The following PRKG1 variants were observed in gnomAD, a reference collection of about 807,000 sequenced individuals.
PRKG1 encodes protein kinase cGMP-dependent 1, also known as cGMP-dependent protein kinase 1.
A neutral mutation model predicts 88.1 loss-of-function variants in PRKG1; 35 were observed. The ratio of observed to expected loss-of-function variants is 0.40; its 90% confidence interval spans 0.30 to 0.53. The LOEUF (loss-of-function observed/expected upper bound fraction) is 0.53. Ranked by LOEUF, PRKG1 falls within the 20% of genes least tolerant of loss-of-function variation. PRKG1 has a pLI of 0.59. For missense variants in PRKG1, 540 were observed against 839.8 expected (o/e 0.64, Z 4.41); for synonymous variants, 303 against 292.5 (o/e 1.04, Z -0.37).
chr10:51,409,814 A>T lies in PRKG1; in HGVS notation c.479-57909A>T, dbSNP rs1047857078. On this transcript the variant is annotated intron_variant, in intron 2 of 17. Coordinates refer to ENST00000373980, the MANE Select transcript of PRKG1 (RefSeq NM_006258.4). ...GGTTGCAGTGATTGGAGATTGTGCC[A>T]CTGCACTCCAGCCTGGCAACAGAGA... Among the ~76,000 whole-genome samples, 10 of 139,092 alleles carry T rather than the reference A, an allele frequency of 7.2e-5. No individual in the cohort carries two copies. The South Asian group carries it at 2.3e-3, about 32-fold the overall frequency. The allele number at this position is 139,092 out of a possible 152,430, so 91.2% of individuals were successfully genotyped here.
chr10:51,456,626 G>A (rs183071379), intron 2 of PRKG1, among the ~76,000 whole-genome samples: 46 of 152,138 alleles, frequency 3.0e-4, no homozygotes, highest in Non-Finnish European at 6.2e-4. Flanking sequence ...CTTCTGCACA[G>A]CAAAAGAAAT....
At chr10:51,143,211 A>T (rs1461797832) in intron 1 of PRKG1, among the ~76,000 whole-genome samples, 1 of 152,072 alleles carries the variant, frequency 6.6e-6, no homozygotes, top group African/African-American at 2.4e-5. Flanking sequence ...AAGATTCCAC[A>T]TATGAGTGAG....
chr10:51,381,234 G>A (rs1295312453), intron 2 of PRKG1, among the ~76,000 whole-genome samples: 1 of 107,892 alleles, frequency 9.3e-6, no homozygotes, highest in Admixed American at 1.4e-4. Flanking sequence ...TCCAGCCTGG[G>A]CAACAGAGCA....
intron 2 of PRKG1, among the ~76,000 whole-genome samples, chr10:51,199,749 G>A (rs372648921): frequency 6.6e-6 from 1 of 152,144 alleles, no homozygotes; most frequent in East Asian, 1.9e-4. Context: ...AGCCTCCTTT[G>A]CCAGCTCTCT....
At chr10:51,094,369 T>C (rs1844477622) in intron 1 of PRKG1, among the ~76,000 whole-genome samples, 1 of 152,138 alleles carries the variant, frequency 6.6e-6, no homozygotes, top group Admixed American at 6.6e-5. Context: ...TATATCAGTA[T>C]TTTCTGTGTT....
chr10:51,417,632 T>C (rs1017419351), intron 2 of PRKG1, among the ~76,000 whole-genome samples: 2 of 152,198 alleles, frequency 1.3e-5, no homozygotes, highest in African/African-American at 4.8e-5. Flanking sequence ...GTCTTTTATA[T>C]ATCATTATTA....
At chr10:51,676,712 C>G (rs1840720310) in intron 3 of PRKG1, among the ~76,000 whole-genome samples, 1 of 152,062 alleles carries the variant, frequency 6.6e-6, no homozygotes, top group South Asian at 2.1e-4. Flanking sequence ...GTGTTGTTTT[C>G]CATGGTCACA....
intron 1 of PRKG1, among the ~76,000 whole-genome samples, chr10:50,997,545 T>G (rs1015346181): frequency 6.6e-6 from 1 of 152,222 alleles, no homozygotes. Context: ...TAAAACCTTT[T>G]CTTTTGATAA....
At chr10:52,139,846 C>T (rs1249781567) in intron 8 of PRKG1, among the ~76,000 whole-genome samples, 1 of 151,906 alleles carries the variant, frequency 6.6e-6, no homozygotes, top group Non-Finnish European at 1.5e-5. Context: ...CTACATGACT[C>T]GGACAAGGGG....
chr10:51,762,056 A>G (rs1290862683), intron 3 of PRKG1, among the ~76,000 whole-genome samples: 1 of 152,222 alleles, frequency 6.6e-6, no homozygotes, highest in Non-Finnish European at 1.5e-5. Flanking sequence ...GGATTTTTAC[A>G]TGGTAAATAA....
At chr10:51,732,573 A>G (rs182076826) in intron 3 of PRKG1, among the ~76,000 whole-genome samples, 27 of 152,356 alleles carry the variant, frequency 1.8e-4, no homozygotes, top group African/African-American at 6.3e-4. Flanking sequence ...TGCATGATCA[A>G]GTTCCTTCCT....
chr10:51,395,404 T>C (rs1352287416), intron 2 of PRKG1, among the ~76,000 whole-genome samples: 1 of 152,222 alleles, frequency 6.6e-6, no homozygotes, highest in East Asian at 1.9e-4. Context: ...ACACTACTTA[T>C]AGATCACTGC....
intron 8 of PRKG1, among the ~76,000 whole-genome samples, chr10:52,153,595 G>C (rs1176204763): frequency 6.6e-6 from 1 of 152,182 alleles, no homozygotes; most frequent in Non-Finnish European, 1.5e-5. Context: ...GCCACTTGCA[G>C]GGAGTAATGT....
rs557764173 is a variant in PRKG1, at chr10:52,075,332, C to T, written c.935+12701C>T. Among the ~76,000 whole-genome samples, 8 of 152,148 alleles carry T rather than the reference C, an allele frequency of 5.3e-5. No individual in the cohort carries two copies. The South Asian group carries it at 1.0e-3, about 20-fold the overall frequency. On this transcript the variant is annotated intron_variant, in intron 7 of 17. Transcript: ENST00000373980. Reference sequence around the variant, plus strand: ...TATTATTCTCCTAGATGGATCTATACGCTCACCGCAATCCCAATCAAAATG... The same window carrying T: ...TATTATTCTCCTAGATGGATCTATATGCTCACCGCAATCCCAATCAAAATG...
chr10:52,039,192 G>A (rs894025946), intron 5 of PRKG1, among the ~76,000 whole-genome samples: 12 of 152,248 alleles, frequency 7.9e-5, no homozygotes, highest in South Asian at 6.2e-4. Flanking sequence ...GGGTGCAGGC[G>A]GACTGAGTCC....
At chr10:51,914,242 C>G (rs1487673786) in intron 5 of PRKG1, among the ~76,000 whole-genome samples, 1 of 151,630 alleles carries the variant, frequency 6.6e-6, no homozygotes, top group African/African-American at 2.4e-5. Context: ...AAGTATTTAT[C>G]TAAATGTTGA....
At chr10:51,183,746 A>T (rs1837412522) in intron 2 of PRKG1, among the ~76,000 whole-genome samples, 1 of 152,178 alleles carries the variant, frequency 6.6e-6, no homozygotes. Context: ...TTAAATATGT[A>T]TAAATACATA....
intron 2 of PRKG1, among the ~76,000 whole-genome samples, chr10:51,187,836 T>C (rs1463408474): frequency 1.5e-4 from 23 of 152,032 alleles, no homozygotes; most frequent in Non-Finnish European, 4.4e-5. Flanking sequence ...TTTTATGTGC[T>C]TCAGTTCCAC....
chr10:51,062,750 G>A (rs1202851214), intron 1 of PRKG1: 2 of 152,102 alleles, frequency 1.3e-5, no homozygotes, highest in East Asian at 1.9e-4. Flanking sequence ...AGCCTCCTGA[G>A]TAGCTGGAAT....
Sources: gnomAD v4.1 joint callset for allele counts (sites outside exome capture counted in the v4.1 genomes callset) on GRCh38, gnomAD v4.1.1 for gene constraint, MANE v1.5 for transcripts, NCBI Gene and HGNC (gene_info 2026-07-23, HGNC 2026-07-21) for gene names.